SNRPD3: variants seen among roughly 807,000 people sequenced by gnomAD.
SNRPD3 encodes small nuclear ribonucleoprotein D3 polypeptide.
For synonymous variants in SNRPD3, 66 were observed against 58.4 expected, an observed-to-expected ratio of 1.13 and a Z score of -0.59; for missense variants, 73 against 167.5, an observed-to-expected ratio of 0.44 and a Z score of 3.11.
chr22:24,557,731 A>G lies in SNRPD3; in HGVS notation c.57A>G (p.Thr19=), dbSNP rs2045092350. The G allele has an allele frequency of 6.2e-7, 1 of 1,612,902 alleles. No homozygotes were observed. The highest frequency in any genetic ancestry group is 2.2e-5 in the East Asian group (1 of 44,836). ...VLHEAEGHIV[T]CETNTGEVYR... ...ATGAGGCCGAGGGCCACATTGTGAC[A>G]TGTGAGACGAACACCGGTGAGGTAT... Residue 19 remains threonine (T), a synonymous_variant, in exon 2 of 4, where the codon ACA becomes ACG. Coordinates refer to ENST00000215829, the MANE Select transcript of SNRPD3 (RefSeq NM_004175.5).
intron 2 of SNRPD3, among the ~76,000 whole-genome samples, chr22:24,560,690 A>T (rs1391929156): frequency 1.5e-5 from 2 of 136,080 alleles, no homozygotes; most frequent in Non-Finnish European, 3.1e-5. Context: ...TGCTAGGATT[A>T]CAGGCGTGAG....
chr22:24,566,536 A>G (rs1232113837), intron 2 of SNRPD3, among the ~76,000 whole-genome samples: 3 of 152,150 alleles, frequency 2.0e-5, no homozygotes, highest in Non-Finnish European at 4.4e-5. Context: ...TGTTGATATT[A>G]CAGACATGAG....
chr22:24,568,501 T>C (rs1026281325), intron 3 of SNRPD3, among the ~76,000 whole-genome samples: 1 of 151,888 alleles, frequency 6.6e-6, no homozygotes, highest in Non-Finnish European at 1.5e-5. Context: ...CTGCCCTGCC[T>C]AGCTAATTTT....
rs2147133417 is a variant in SNRPD3, at chr22:24,572,463, A to G, written c.*486A>G. On this transcript the variant is annotated 3_prime_UTR_variant, in exon 4 of 4. Transcript: ENST00000215829. ...CACAGGTGACTCTTTCCCTTGATAAAGTCATAGGTAATTCAGGGGCTGGGT... is the reference window on the plus strand; with the variant it reads ...CACAGGTGACTCTTTCCCTTGATAAGGTCATAGGTAATTCAGGGGCTGGGT... 4 of 290,410 alleles carry G rather than the reference A, an allele frequency of 1.4e-5. No individual in the cohort carries two copies. In the South Asian group the frequency reaches 1.6e-4, roughly 12 times the overall value. The allele number at this position is 290,410 out of a possible 1,614,324, so 18.0% of individuals were successfully genotyped here. A position where few individuals can be genotyped will look rare whatever the true frequency, so the allele number is the denominator to read the frequency against.
At chr22:24,565,682 A>T (rs185900042) in intron 2 of SNRPD3, among the ~76,000 whole-genome samples, 63 of 151,772 alleles carry the variant, frequency 4.2e-4, no homozygotes, top group Middle Eastern at 6.8e-3. Flanking sequence ...GTTTTTTGAG[A>T]CGGCGTCTTG....
chr22:24,568,594 GT>G (rs1202844940), intron 3 of SNRPD3, among the ~76,000 whole-genome samples: 2 of 150,900 alleles, frequency 1.3e-5, no homozygotes, highest in African/African-American at 4.9e-5. Flanking sequence ...GTCTCGCTCT[GT>G]CGCCCAGGCT....
intron 3 of SNRPD3, among the ~76,000 whole-genome samples, chr22:24,571,179 A>G (rs1049067170): frequency 1.3e-5 from 2 of 152,224 alleles, no homozygotes; most frequent in Non-Finnish European, 2.9e-5. Context: ...TCCCAGATCT[A>G]ACACATGTTA....
At position 24,574,490 on chromosome 22, in the gene SNRPD3, G is replaced by T. The variant is rs570747038; in HGVS notation, c.*2513G>T. On this transcript the variant is annotated 3_prime_UTR_variant, in exon 4 of 4. Transcript: ENST00000215829. ...TGTCCAACTCTTGGCTGATTTGTTT[G>T]TATTTACCTCCATGTCTCAATATGA... is the stretch of plus-strand genomic sequence containing the variant. Among the ~76,000 whole-genome samples, 1 of 152,120 alleles carries T rather than the reference G, an allele frequency of 6.6e-6. No individual in the cohort carries two copies. Among genetic ancestry groups the T allele is most frequent in the Non-Finnish European group, 1.5e-5 (1 of 68,012 alleles).
At chr22:24,569,108 G>A (rs1054733054) in intron 3 of SNRPD3, among the ~76,000 whole-genome samples, 12 of 152,150 alleles carry the variant, frequency 7.9e-5, no homozygotes, top group Non-Finnish European at 1.3e-4. Flanking sequence ...GAGCTGACTC[G>A]AGTGTGAGGG....
intron 3 of SNRPD3, among the ~76,000 whole-genome samples, chr22:24,569,332 T>C (rs556811569): frequency 6.6e-6 from 1 of 152,340 alleles, no homozygotes; most frequent in African/African-American, 2.4e-5. Flanking sequence ...TCATGTTGAT[T>C]AGACAACAAA....
At chr22:24,570,543 C>A (rs9608297) in intron 3 of SNRPD3, among the ~76,000 whole-genome samples, 31,580 of 151,736 alleles carry the variant, frequency 0.21, 3,514 homozygotes, top group Non-Finnish European at 0.25. Flanking sequence ...ATTAGCTGGG[C>A]ATGGTGGCAG....
chr22:24,569,745 T>C (rs562757187), intron 3 of SNRPD3, among the ~76,000 whole-genome samples: 1 of 152,374 alleles, frequency 6.6e-6, no homozygotes, highest in African/African-American at 2.4e-5. Flanking sequence ...ATTAATTTGC[T>C]GGAGTAGCTC....
Position 24,572,286 on chromosome 22 carries a change from GGC to G in SNRPD3, c.*310_*311del. Reference sequence around the variant, plus strand: ...GATGAGATTTTAAGCTGCTGTTCCTGGCCAGTTGCAGGTTAAGCCCCAGAAAA... The same window carrying G: ...GATGAGATTTTAAGCTGCTGTTCCTGCAGTTGCAGGTTAAGCCCCAGAAAA... On this transcript the variant is annotated 3_prime_UTR_variant, in exon 4 of 4. Coordinates refer to ENST00000215829, the MANE Select transcript of SNRPD3 (RefSeq NM_004175.5). 3.3e-6 allele frequency: 2 copies of G among 606,176 alleles called. No homozygotes were observed. Among genetic ancestry groups the G allele is most frequent in the South Asian group, 4.1e-5 (2 of 49,094 alleles). 37.5% of individuals were successfully genotyped at this position (606,176 alleles called of 1,614,324 possible).
chr22:24,556,399 C>G (rs1264698699), intron 1 of SNRPD3, among the ~76,000 whole-genome samples: 1 of 145,930 alleles, frequency 6.9e-6, no homozygotes, highest in East Asian at 2.0e-4. Context: ...TAAGTAGAGA[C>G]GGGGTTTCAC....
rs994842850 is a variant in SNRPD3, at chr22:24,568,692, G to A, written c.319+516G>A. Among the ~76,000 whole-genome samples the A allele has an allele frequency of 2.1e-4, 31 of 150,458 alleles. No individual in the cohort carries two copies. The South Asian group carries it at 6.1e-3, about 29-fold the overall frequency. ...CTGCCTCAGACTCCTAAGTAGCTGG[G>A]ATTACAGGCACCCGCCACTGCGCCG... is the stretch of plus-strand genomic sequence containing the variant. On this transcript the variant is annotated intron_variant, in intron 3 of 3. Transcript: ENST00000215829.
chr22:24,565,037 C>G (rs769427143), intron 2 of SNRPD3, among the ~76,000 whole-genome samples: 23 of 151,934 alleles, frequency 1.5e-4, no homozygotes, highest in Admixed American at 2.6e-4. Context: ...GCATGCACCA[C>G]CACACCTGGC....
chr22:24,563,130 G>A (rs2045159460), intron 2 of SNRPD3, among the ~76,000 whole-genome samples: 3 of 152,046 alleles, frequency 2.0e-5, no homozygotes, highest in Admixed American at 1.3e-4. Flanking sequence ...CACTTTGGGA[G>A]GCTGGGCCAG....
intron 2 of SNRPD3, among the ~76,000 whole-genome samples, chr22:24,559,899 C>T (rs889089002): frequency 1.3e-5 from 2 of 151,992 alleles, no homozygotes; most frequent in Non-Finnish European, 2.9e-5. Context: ...AGGCTGGTTT[C>T]TTCTGAGGAA....
At chr22:24,568,367 A>G (rs1339996055) in intron 3 of SNRPD3, among the ~76,000 whole-genome samples, 191 bp downstream of exon 3, 1 of 151,826 alleles carries the variant, frequency 6.6e-6, no homozygotes, top group Admixed American at 6.6e-5. Context: ...TTTGAGACAG[A>G]GTCTCGCTTT....
Sources: allele counts gnomAD v4.1 joint callset (sites outside exome capture counted in the v4.1 genomes callset), GRCh38; gene constraint gnomAD v4.1.1; transcripts MANE v1.5; gene names NCBI Gene and HGNC (gene_info 2026-07-23, HGNC 2026-07-21).